The following SETD1A variants were observed in gnomAD, a reference collection of about 807,000 sequenced individuals.
The protein encoded by SETD1A is SET domain containing 1A, histone lysine methyltransferase.
SETD1A carries 29 observed loss-of-function variants against 149.9 expected under a neutral mutation model. The observed-to-expected ratio is 0.19, with a 90% CI of 0.14 to 0.26. The LOEUF (loss-of-function observed/expected upper bound fraction) is 0.26. Among genes scored for constraint, SETD1A ranks in the 10% least tolerant of loss-of-function variants. The pLI, the probability that SETD1A is intolerant of heterozygous loss-of-function variation, is 1.00. For missense variants in SETD1A, 2,109 were observed against 2,353.1 expected, an observed-to-expected ratio of 0.90 and a Z score of 2.15; for synonymous variants, 1,141 against 968.5, an observed-to-expected ratio of 1.18 and a Z score of -3.31.
At chr16:30,982,228 CG>C (rs2143597120) in intron 17 of SETD1A, among the ~76,000 whole-genome samples, 1 of 152,148 alleles carries the variant, frequency 6.6e-6, no homozygotes, top group African/African-American at 2.4e-5. Flanking sequence ...TGGCCAGGCG[CG>C]GTGGCTCATG....
At chr16:30,976,240 C>T (rs2056283557) in intron 13 of SETD1A, among the ~76,000 whole-genome samples, 1 of 152,140 alleles carries the variant, frequency 6.6e-6, no homozygotes, top group South Asian at 2.1e-4. Flanking sequence ...ACAAAAAAAG[C>T]CAGGCATAGT....
At chr16:30,963,618 A>G in intron 5 of SETD1A, 64 bp downstream of exon 5, 1 of 1,532,548 alleles carries the variant, frequency 6.5e-7, no homozygotes, top group Non-Finnish European at 8.8e-7. Flanking sequence ...TGCCCGGAGC[A>G]GGAGCAGTCT....
rs374598819 is a variant in SETD1A at position 30,979,449 on chromosome 16, G to T, written c.3663G>T (p.Trp1221Cys). 81 of 1,604,106 alleles carry T rather than the reference G, an allele frequency of 5.0e-5. No individual in the cohort carries two copies. The African/African-American group carries it at 9.9e-4, about 20-fold the overall frequency. ...ACCACGCATCTCTGGTCAAGAGTTG[G>T]CCCGAGGAGGTGTCCCGAGGAGGCC... is the stretch of plus-strand genomic sequence containing the variant. ...PLDHASLVKS[W>C]PEEVSRGGRS... The change falls in exon 14 of 19, where the codon TGG becomes TGT. Residue 1221 changes from tryptophan (W) to cysteine (C), a missense_variant. Physicochemically the swap from Trp to Cys is radical, Grantham distance 215. Around this residue, in one of 8 missense-constraint regions of SETD1A, gnomAD observed 832 missense variants for 815.6 expected, o/e 1.02. Coordinates refer to ENST00000262519, the MANE Select transcript of SETD1A (RefSeq NM_014712.3).
chr16:30,971,508 C>T lies in SETD1A; in HGVS notation c.3147C>T (p.Ser1049=). ...SSSSSSSSSS[S]SSSSSSSSSE... is the part of the protein sequence containing the mutation. Reference sequence around the variant, plus strand: ...CCTCATCCTCCTCCTCCTCCTCGTCCTCATCCTCCTCGTCCTCTTCATCCT... The same window carrying T: ...CCTCATCCTCCTCCTCCTCCTCGTCTTCATCCTCCTCGTCCTCTTCATCCT... Residue 1049 remains serine, a synonymous_variant, in exon 13 of 19, where the codon TCC becomes TCT. Coordinates refer to ENST00000262519, the MANE Select transcript of SETD1A (RefSeq NM_014712.3). 2 of 1,613,890 alleles carry T rather than the reference C, an allele frequency of 1.2e-6. No individual in the cohort carries two copies. The highest frequency in any genetic ancestry group is 1.7e-6 in the Non-Finnish European group (2 of 1,179,908).
At chr16:30,959,671 G>A (rs1403377015) in intron 3 of SETD1A, among the ~76,000 whole-genome samples, 1 of 151,960 alleles carries the variant, frequency 6.6e-6, no homozygotes. Context: ...TGGAACACTG[G>A]TGGTTCTTCA....
At position 30,966,955 on chromosome 16, in the gene SETD1A, C is replaced by T. The variant is rs1201021650; in HGVS notation, c.2577C>T (p.Gly859=). The change falls in exon 9 of 19, where the codon GGC becomes GGT. Residue 859 remains glycine, a synonymous_variant. Transcript: ENST00000262519. ...AGAAGACGAAGCTGAAGGAGCCTGG[C>T]CTGCTGTCCCTCGTGGACTGGGCCA... is the stretch of plus-strand genomic sequence containing the variant. ...DKEKTKLKEP[G]LLSLVDWAKS... 3 of 1,584,114 alleles carry T rather than the reference C, an allele frequency of 1.9e-6. No homozygotes were observed. The highest frequency in any genetic ancestry group is 4.6e-5 in the East Asian group (2 of 43,678).
In SETD1A at chr16:30,979,883, A is replaced by T. The variant is rs917794254; in HGVS notation, c.4097A>T (p.Glu1366Val). The T allele has an allele frequency of 6.5e-7, 1 of 1,533,874 alleles. No individual in the cohort carries two copies. Among genetic ancestry groups the T allele is most frequent in the African/African-American group, 1.4e-5 (1 of 72,840 alleles). ...QQREEGEEEG[E>V]EEGEEEEEES... is the part of the protein sequence containing the mutation. ...CGGGAGGAGGGCGAAGAGGAGGGGG[A>T]GGAAGAGGGGGAGGAAGAGGAGGAG... Residue 1366 changes from glutamate (E) to valine (V), a missense_variant, in exon 14 of 19, where the codon GAG (glutamate) becomes GTG (valine). Glu to Val is a moderately radical substitution (Grantham distance 121). This residue lies in a region of SETD1A where 832 missense variants were observed against 815.6 expected (regional missense o/e 1.02). Transcript: ENST00000262519.
chr16:30,969,155 G>GT (rs1243491891), intron 10 of SETD1A, 150 bp from the exon 11 acceptor site: 1 of 772,370 alleles, frequency 1.3e-6, no homozygotes, highest in Admixed American at 3.0e-5. Flanking sequence ...TAACTGAGGT[G>GT]TTTGAGTTCC....
rs75382726 is a variant in SETD1A, at chr16:30,977,904, C to G, written c.3359-1241C>G. Among the ~76,000 whole-genome samples the G allele has an allele frequency of 2.2e-3, 332 of 152,290 alleles. 8 individuals are homozygous for G. The East Asian group carries it at 0.032, about 15-fold the overall frequency. On this transcript the variant is annotated intron_variant, in intron 13 of 18. Coordinates refer to ENST00000262519, the MANE Select transcript of SETD1A (RefSeq NM_014712.3). Reference sequence around the variant, plus strand: ...TGCAGTTCAGAGCATGAGCTCAACCCACATGGCCTGGGAGCAGAGCTTGTT... The same window carrying G: ...TGCAGTTCAGAGCATGAGCTCAACCGACATGGCCTGGGAGCAGAGCTTGTT...
At chr16:30,963,697 G>C in intron 5 of SETD1A, 143 bp downstream of exon 5, 1 of 946,682 alleles carries the variant, frequency 1.1e-6, no homozygotes, top group East Asian at 2.9e-5. Context: ...GCTTTCAAAA[G>C]ACAGGGAACT....
At chr16:30,969,557 C>G (rs770660045) in intron 11 of SETD1A, 45 bp from the exon 12 acceptor site, 1 of 1,602,138 alleles carries the variant, frequency 6.2e-7, no homozygotes, top group Non-Finnish European at 8.5e-7. Flanking sequence ...GGTGTAGGAC[C>G]AGTTGTCCCC....
Position 30,964,798 on chromosome 16 carries a change from TTCC to T in SETD1A, c.1062_1064del (p.Ser357del). 6.2e-7 allele frequency: 1 copy of T among 1,614,128 alleles called. No homozygotes were observed. The highest frequency in any genetic ancestry group is 1.1e-5 in the South Asian group (1 of 91,072). ...TGTCCTCGTCCTCCTCGTCATCCTC[TTCC>T]TCCTCGTCCTCTCAGTTTCGTAGTT... On this transcript the variant is annotated inframe_deletion, in exon 7 of 19. Coordinates refer to ENST00000262519, the MANE Select transcript of SETD1A (RefSeq NM_014712.3).
chr16:30,959,977 C>T lies in SETD1A; in HGVS notation c.246+791C>T, dbSNP rs547404838. ...CTCCTTAACCTACCTTTTTCATTTT[C>T]CCTCTACTCATATGTGGCAGTACCA... On this transcript the variant is annotated intron_variant, in intron 3 of 18. Transcript: ENST00000262519. Among the ~76,000 whole-genome samples, 16 of 151,900 alleles carry T rather than the reference C, an allele frequency of 1.1e-4. No individual in the cohort carries two copies. The South Asian group carries it at 1.5e-3, about 14-fold the overall frequency.
At chr16:30,960,730 CTTTTTTTTTTTT>C (rs71374043) in intron 3 of SETD1A, among the ~76,000 whole-genome samples, 7 of 80,552 alleles carry the variant, frequency 8.7e-5, no homozygotes, top group African/African-American at 2.2e-4. Flanking sequence ...TTCTTTCTTT[CTTTTTTTTTTTT>C]TTTTTTTTTT....
intron 10 of SETD1A, among the ~76,000 whole-genome samples, chr16:30,968,376 C>T (rs2056176620): frequency 6.7e-6 from 1 of 149,232 alleles, no homozygotes; most frequent in South Asian, 2.1e-4. Flanking sequence ...GCACTTCAGC[C>T]TGGGTGATAG....
chr16:30,970,053 C>T (rs1017528662), intron 12 of SETD1A, among the ~76,000 whole-genome samples: 8 of 152,004 alleles, frequency 5.3e-5, no homozygotes, highest in African/African-American at 1.5e-4. Context: ...CTGCAACCTC[C>T]GCCTCCTGAG....
rs2056360087 is a variant in SETD1A, at chr16:30,980,536, G to A, written c.4460G>A (p.Arg1487Gln). The change falls in exon 15 of 19, where the codon CGG becomes CAG. Residue 1487 changes from arginine (R) to glutamine (Q), a missense_variant. Physicochemically the swap from Arg to Gln is conservative, Grantham distance 43. This residue lies in a region of SETD1A where 254 missense variants were observed against 409.3 expected (regional missense o/e 0.62). Transcript: ENST00000262519. This position sits in a 1 kb window ranked among gnomAD's most constrained non-coding sequence, Gnocchi z 7.7. ...AAGCGGCGGCCCCAGGATGGGCCCCGGGAGCACCAGACAGGCTCAGCCCGC... is the reference window on the plus strand; with the variant it reads ...AAGCGGCGGCCCCAGGATGGGCCCCAGGAGCACCAGACAGGCTCAGCCCGC... ...KRKRRPQDGP[R>Q]EHQTGSARSE... 4.3e-6 allele frequency: 7 copies of A among 1,614,024 alleles called. No individual in the cohort carries two copies. Among genetic ancestry groups the A allele is most frequent in the East Asian group, 2.2e-5 (1 of 44,888 alleles).
intron 10 of SETD1A, among the ~76,000 whole-genome samples, chr16:30,968,468 A>G (rs1424415155): frequency 6.6e-6 from 1 of 151,792 alleles, no homozygotes; most frequent in African/African-American, 2.4e-5. Context: ...ACACAAATAT[A>G]TACACACACA....
chr16:30,982,785 CAG>C (rs1185851076), intron 17 of SETD1A, among the ~76,000 whole-genome samples: 1 of 151,970 alleles, frequency 6.6e-6, no homozygotes. Flanking sequence ...GCAGAGGTGA[CAG>C]AGAGGAGGCT....
Sources: gnomAD v4.1 joint callset for allele counts (sites outside exome capture counted in the v4.1 genomes callset) on GRCh38, gnomAD v4.1.1 for gene constraint, gnomAD v4.1.1 regional missense constraint, Gnocchi (gnomAD v3.1) non-coding constraint, MANE v1.5 for transcripts, NCBI Gene and HGNC (gene_info 2026-07-23, HGNC 2026-07-21) for gene names.